The following THSD7B variants were observed in gnomAD, a reference collection of about 807,000 sequenced individuals.
THSD7B encodes the protein thrombospondin type 1 domain containing 7B.
Under a neutral mutation model 213.6 loss-of-function variants are expected in THSD7B, and 138 were observed. The observed-to-expected ratio is 0.65, with a 90% CI of 0.56 to 0.74. The LOEUF (loss-of-function observed/expected upper bound fraction) is 0.74, where lower values mean the gene tolerates loss of function less well. THSD7B is among the 30% of genes least tolerant of loss of function. THSD7B has a pLI of 0.00. For synonymous variants in THSD7B, 742 were observed against 687.0 expected, an observed-to-expected ratio of 1.08 and a Z score of -1.25; for missense variants, 1,931 against 1,991.5, an observed-to-expected ratio of 0.97 and a Z score of 0.58.
intron 2 of THSD7B, among the ~76,000 whole-genome samples, chr2:137,047,652 G>A (rs1005873225): frequency 2.0e-5 from 3 of 152,254 alleles, no homozygotes; most frequent in African/African-American, 7.2e-5. Context: ...CCAGTAGTGC[G>A]GCTGGCATCA....
intron 1 of THSD7B, among the ~76,000 whole-genome samples, chr2:136,860,078 C>T (rs1049434833): frequency 1.4e-5 from 2 of 142,292 alleles, no homozygotes; most frequent in African/African-American, 2.6e-5. Context: ...AGTGCAGCGG[C>T]GTGATCTCGG....
intron 18 of THSD7B, 52 bp downstream of exon 18, chr2:137,616,368 G>C (rs536770533): frequency 1.9e-6 from 3 of 1,540,052 alleles, no homozygotes; most frequent in Non-Finnish European, 2.7e-6. Flanking sequence ...TGACTAATGA[G>C]AGAATTTTTG....
At chr2:137,540,795 T>A (rs903770665) in intron 15 of THSD7B, among the ~76,000 whole-genome samples, 1 of 151,608 alleles carries the variant, frequency 6.6e-6, no homozygotes, top group African/African-American at 2.4e-5. Flanking sequence ...AAGAATAGGA[T>A]AACAAAAAGC....
rs1687166665 is a variant in THSD7B at position 137,056,581 on chromosome 2, A to T, written c.301A>T (p.Ser101Cys). The T allele has an allele frequency of 3.7e-6, 6 of 1,613,850 alleles. No individual in the cohort carries two copies. Among genetic ancestry groups the T allele is most frequent in the African/African-American group, 1.3e-5 (1 of 74,926 alleles). Reference protein sequence around the residue: ...RSCFRVCDWHSDLFQWEVSDW... With the variant: ...RSCFRVCDWHCDLFQWEVSDW... Reference sequence around the variant, plus strand: ...TTGTTTCCGAGTTTGTGACTGGCACAGTGACCTCTTTCAGTGGGAGGTTTC... The same window carrying T: ...TTGTTTCCGAGTTTGTGACTGGCACTGTGACCTCTTTCAGTGGGAGGTTTC... The change falls in exon 3 of 28, where the codon AGT becomes TGT. Residue 101 changes from serine to cysteine, a missense_variant. Physicochemically the swap from Ser to Cys is moderately radical, Grantham distance 112. Transcript: ENST00000409968.
At chr2:137,641,566 A>G (rs1212643003) in intron 20 of THSD7B, among the ~76,000 whole-genome samples, 1 of 152,264 alleles carries the variant, frequency 6.6e-6, no homozygotes, top group Non-Finnish European at 1.5e-5. Context: ...TCTTCATCAG[A>G]AAGAACAAGA....
chr2:137,502,257 A>G (rs1421545093), intron 15 of THSD7B, among the ~76,000 whole-genome samples: 1 of 124,960 alleles, frequency 8.0e-6, no homozygotes, highest in African/African-American at 2.8e-5. Context: ...TCAGGTTAGT[A>G]GTTAACTATG....
intron 12 of THSD7B, among the ~76,000 whole-genome samples, chr2:137,377,654 C>T (rs1003999827): frequency 2.7e-5 from 4 of 150,538 alleles, no homozygotes; most frequent in Non-Finnish European, 5.9e-5. Context: ...TGAGCTGGAG[C>T]CTCCTTCTGT....
intron 2 of THSD7B, among the ~76,000 whole-genome samples, chr2:136,940,317 C>G (rs1286311113): frequency 1.3e-5 from 2 of 152,104 alleles, no homozygotes; most frequent in Admixed American, 1.3e-4. Context: ...CTACTTCCAA[C>G]CATGCTGCTA....
chr2:137,171,042 C>A, intron 7 of THSD7B, 104 bp downstream of exon 7: 2 of 1,193,016 alleles, frequency 1.7e-6, no homozygotes, highest in Non-Finnish European at 2.4e-6. Flanking sequence ...AGAAGCACAG[C>A]CTTTCTTATC....
At chr2:137,143,375 G>A (rs188519658) in intron 5 of THSD7B, among the ~76,000 whole-genome samples, 3 of 152,260 alleles carry the variant, frequency 2.0e-5, no homozygotes, top group African/African-American at 4.8e-5. Flanking sequence ...ACAGTGCCTA[G>A]AGAAAGGCTG....
chr2:137,439,184 CT>C (rs1558797545), intron 14 of THSD7B, among the ~76,000 whole-genome samples: 1 of 151,992 alleles, frequency 6.6e-6, no homozygotes. Flanking sequence ...ATAATTTTTT[CT>C]TTTTTTAAAC....
intron 3 of THSD7B, among the ~76,000 whole-genome samples, chr2:137,086,195 G>A (rs1226191456): frequency 6.6e-6 from 1 of 151,960 alleles, no homozygotes; most frequent in Non-Finnish European, 1.5e-5. Flanking sequence ...AAATTAGCTG[G>A]GCGTGATGGT....
intron 2 of THSD7B, among the ~76,000 whole-genome samples, chr2:137,004,285 G>T (rs1280821013): frequency 7.0e-6 from 1 of 143,630 alleles, no homozygotes; most frequent in East Asian, 2.1e-4. Flanking sequence ...GACCCAGTGT[G>T]TGTGCACACG....
intron 12 of THSD7B, among the ~76,000 whole-genome samples, chr2:137,291,310 A>G (rs1353108982): frequency 3.9e-5 from 6 of 152,138 alleles, no homozygotes; most frequent in African/African-American, 1.4e-4. Flanking sequence ...TCTTACTTAT[A>G]CTTTATGTTT....
At chr2:137,182,887 G>A (rs913070384) in intron 7 of THSD7B, among the ~76,000 whole-genome samples, 77 of 152,180 alleles carry the variant, frequency 5.1e-4, no homozygotes, top group African/African-American at 1.8e-3. Flanking sequence ...AATTAGAATA[G>A]GACCTACATC....
Position 137,419,564 on chromosome 2 carries a change from G to A in THSD7B, c.2959+7692G>A, listed in dbSNP as rs917438669. Reference sequence around the variant, plus strand: ...GGCTTTTATGTGTTCAGAATGGGGCGTGTGTACTGATTGGTTTGAGTATGC... The same window carrying A: ...GGCTTTTATGTGTTCAGAATGGGGCATGTGTACTGATTGGTTTGAGTATGC... On this transcript the variant is annotated intron_variant, in intron 14 of 27. Transcript: ENST00000409968. Among the ~76,000 whole-genome samples the A allele has an allele frequency of 2.2e-4, 34 of 151,700 alleles. 1 individual carries two copies. The highest frequency in any genetic ancestry group is 9.2e-4 in the Admixed American group (14 of 15,202).
intron 15 of THSD7B, among the ~76,000 whole-genome samples, chr2:137,515,965 G>A (rs940946300): frequency 6.6e-6 from 1 of 152,182 alleles, no homozygotes; most frequent in Non-Finnish European, 1.5e-5. Flanking sequence ...GAGGAGGCCT[G>A]TAATTGCTCT....
At chr2:136,963,512 C>A (rs528366445) in intron 2 of THSD7B, among the ~76,000 whole-genome samples, 1 of 152,256 alleles carries the variant, frequency 6.6e-6, no homozygotes, top group East Asian at 1.9e-4. Context: ...GGCATGATGG[C>A]ACATGACTGA....
intron 2 of THSD7B, among the ~76,000 whole-genome samples, chr2:136,984,756 C>T (rs1685642337): frequency 6.6e-6 from 1 of 152,028 alleles, no homozygotes; most frequent in Non-Finnish European, 1.5e-5. Flanking sequence ...CAGAAGAAGA[C>T]TGGAAGATAA....
Sources: gnomAD v4.1 joint callset for allele counts (sites outside exome capture counted in the v4.1 genomes callset) on GRCh38, gnomAD v4.1.1 for gene constraint, MANE v1.5 for transcripts, NCBI Gene and HGNC (gene_info 2026-07-23, HGNC 2026-07-21) for gene names.